Variants in PTPRM observed in about 807,000 individuals in gnomAD.
PTPRM encodes the protein protein tyrosine phosphatase receptor type M.
A neutral mutation model predicts 186.7 loss-of-function variants in PTPRM; 47 were observed. The ratio of observed to expected loss-of-function variants is 0.25; its 90% CI spans 0.20 to 0.32. The LOEUF (loss-of-function observed/expected upper bound fraction) is 0.32. Among genes scored for constraint, PTPRM ranks in the 10% least tolerant of loss-of-function variants. PTPRM has a pLI of 1.00. For missense variants in PTPRM, 1,494 were observed against 1,865.0 expected (o/e 0.80, Z 3.66); for synonymous variants, 668 against 674.9 (o/e 0.99, Z 0.16).
chr18:7,616,004 G>A (rs1398737065), intron 1 of PTPRM, among the ~76,000 whole-genome samples: 2 of 152,142 alleles, frequency 1.3e-5, no homozygotes, highest in Non-Finnish European at 2.9e-5. Flanking sequence ...TGATCTGACA[G>A]GAGGTGGAGC....
In PTPRM at chr18:7,955,150, C is replaced by T; in HGVS notation, c.868C>T (p.Leu290Phe). The change falls in exon 7 of 33, where the codon CTC becomes TTC. Residue 290 changes from leucine (L) to phenylalanine (F), a missense_variant. Physicochemically the swap from Leu to Phe is conservative, Grantham distance 22 (BLOSUM62 0). Transcript: ENST00000580170. The part of the protein sequence containing the change: ...EPPVPIAPPQ[L>F]ASVGATYLWI... ...ACCCGTTCCTATTGCCCCACCTCAG[C>T]TCGCCTCTGTAGGAGCCACCTACCT... 1 of 1,611,126 alleles carries T rather than the reference C, an allele frequency of 6.2e-7. No individual in the cohort carries two copies. Among genetic ancestry groups the T allele is most frequent in the Non-Finnish European group, 8.5e-7 (1 of 1,177,510 alleles).
At chr18:8,383,789 T>A (rs1344743554) in intron 29 of PTPRM, among the ~76,000 whole-genome samples, 1 of 152,230 alleles carries the variant, frequency 6.6e-6, no homozygotes, top group Non-Finnish European at 1.5e-5. Flanking sequence ...CAAAATAGCC[T>A]TATTCCCAAT....
chr18:7,932,152 G>A (rs1006631989), intron 5 of PTPRM, among the ~76,000 whole-genome samples: 4 of 152,202 alleles, frequency 2.6e-5, no homozygotes, highest in Admixed American at 6.5e-5. Flanking sequence ...AGCAGAAGAC[G>A]GAGGTGGGGA....
At chr18:7,954,539 TA>T (rs967521738) in intron 6 of PTPRM, among the ~76,000 whole-genome samples, 4 of 152,202 alleles carry the variant, frequency 2.6e-5, no homozygotes, top group Admixed American at 2.6e-4. Flanking sequence ...AATATAAATA[TA>T]AGGAAACAAT....
intron 27 of PTPRM, among the ~76,000 whole-genome samples, chr18:8,378,622 G>T (rs1157030434): frequency 6.6e-6 from 1 of 152,134 alleles, no homozygotes; most frequent in Non-Finnish European, 1.5e-5. Flanking sequence ...ATTGCCAGGT[G>T]TCCCCCTGGG....
chr18:7,679,139 G>T (rs1195704638), intron 1 of PTPRM, among the ~76,000 whole-genome samples: 1 of 152,180 alleles, frequency 6.6e-6, no homozygotes, highest in Non-Finnish European at 1.5e-5. Flanking sequence ...TTATCATAGA[G>T]TCAAGTGTTG....
chr18:8,190,950 C>G (rs1181962478), intron 14 of PTPRM, among the ~76,000 whole-genome samples: 1 of 152,126 alleles, frequency 6.6e-6, no homozygotes, highest in African/African-American at 2.4e-5. Context: ...CAGTTACAGA[C>G]TTGCATAGGA....
At chr18:7,978,997 C>T (rs1322298297) in intron 7 of PTPRM, among the ~76,000 whole-genome samples, 2 of 152,052 alleles carry the variant, frequency 1.3e-5, no homozygotes, top group African/African-American at 4.8e-5. Context: ...GCCATAGGCC[C>T]GTGGCAAAGA....
chr18:8,126,182 A>T, intron 13 of PTPRM, among the ~76,000 whole-genome samples: 1 of 150,738 alleles, frequency 6.6e-6, no homozygotes, highest in East Asian at 2.0e-4. Flanking sequence ...TGACTGAATG[A>T]ATAACAGTTG....
At chr18:8,298,657 C>T (rs1450546697) in intron 20 of PTPRM, among the ~76,000 whole-genome samples, 1 of 152,196 alleles carries the variant, frequency 6.6e-6, no homozygotes, top group Non-Finnish European at 1.5e-5. Flanking sequence ...ACTAACAACA[C>T]CACGAAATAG....
rs534754383 is a variant in PTPRM, at chr18:8,311,623, A to C, written c.2843-3158A>C. Among the ~76,000 whole-genome samples, 5 of 152,336 alleles carry C rather than the reference A, an allele frequency of 3.3e-5. No homozygotes were observed. In the South Asian group the frequency reaches 1.0e-3, roughly 32 times the overall value. The stretch of plus-strand genomic sequence containing the variant: ...TCAATAAAAGAAAAAAGATACTACC[A>C]TGTATATAAAGGCAAAACCCATCTC... On this transcript the variant is annotated intron_variant, in intron 20 of 32. Coordinates refer to ENST00000580170, the MANE Select transcript of PTPRM (RefSeq NM_001105244.2).
At chr18:7,625,389 T>C (rs1270019495) in intron 1 of PTPRM, among the ~76,000 whole-genome samples, 2 of 152,232 alleles carry the variant, frequency 1.3e-5, no homozygotes, top group Non-Finnish European at 2.9e-5. Flanking sequence ...TTTGATTCTG[T>C]TTGCTATTTT....
chr18:8,108,350 C>T (rs1416255679), intron 11 of PTPRM, among the ~76,000 whole-genome samples: 8 of 151,998 alleles, frequency 5.3e-5, no homozygotes, highest in Admixed American at 4.6e-4. Context: ...ACAATGAAAG[C>T]GTTACAACTT....
intron 14 of PTPRM, among the ~76,000 whole-genome samples, chr18:8,212,562 T>TG (rs1028009520): frequency 3.9e-5 from 6 of 152,118 alleles, no homozygotes; most frequent in African/African-American, 1.4e-4. Flanking sequence ...CAGTGCTTTG[T>TG]GGGGGGCCAA....
chr18:8,327,995 G>C (rs1440497317), intron 22 of PTPRM, among the ~76,000 whole-genome samples: 1 of 152,182 alleles, frequency 6.6e-6, no homozygotes, highest in African/African-American at 2.4e-5. Flanking sequence ...GGGAGTGAAG[G>C]TTTATAGTGG....
At chr18:8,008,581 G>A (rs2084329074) in intron 7 of PTPRM, among the ~76,000 whole-genome samples, 1 of 152,036 alleles carries the variant, frequency 6.6e-6, no homozygotes, top group South Asian at 2.1e-4. Context: ...GGTGATGTAG[G>A]GTTCAATAAT....
chr18:7,731,429 T>G (rs2040657038), intron 1 of PTPRM, among the ~76,000 whole-genome samples: 1 of 152,218 alleles, frequency 6.6e-6, no homozygotes, highest in Non-Finnish European at 1.5e-5. Context: ...TGGAGTACTT[T>G]CAGACATTTT....
intron 3 of PTPRM, among the ~76,000 whole-genome samples, chr18:7,890,213 T>C (rs1012206155): frequency 6.6e-6 from 1 of 152,218 alleles, no homozygotes; most frequent in Non-Finnish European, 1.5e-5. Context: ...TTCCTTTGGC[T>C]CAGACAGGAG....
intron 19 of PTPRM, among the ~76,000 whole-genome samples, chr18:8,279,323 A>G (rs967192114): frequency 6.6e-6 from 1 of 152,210 alleles, no homozygotes; most frequent in African/African-American, 2.4e-5. Context: ...CTCAAGCCTG[A>G]TGTAGCAGGG....
Sources: gnomAD v4.1 joint callset for allele counts (sites outside exome capture counted in the v4.1 genomes callset) on GRCh38, gnomAD v4.1.1 for gene constraint, MANE v1.5 for transcripts, NCBI Gene and HGNC (gene_info 2026-07-23, HGNC 2026-07-21) for gene names.